The following ZNF143 variants were observed in gnomAD, a reference collection of about 807,000 sequenced individuals.
The protein encoded by ZNF143 is zinc finger protein 143.
A neutral mutation model predicts 74.1 loss-of-function variants in ZNF143; 49 were observed. The ratio of observed to expected loss-of-function variants is 0.66; its 90% CI spans 0.53 to 0.84. The LOEUF is 0.84. Among genes scored for constraint, ZNF143 ranks in the 40% least tolerant of loss-of-function variants. The pLI, the probability that ZNF143 is intolerant of heterozygous loss-of-function variation, is 0.00. For missense variants in ZNF143, 637 were observed against 793.4 expected, an observed-to-expected ratio of 0.80 and a Z score of 2.37; for synonymous variants, 304 against 282.8, an observed-to-expected ratio of 1.07 and a Z score of -0.75.
intron 11 of ZNF143, among the ~76,000 whole-genome samples, chr11:9,504,119 C>T (rs376740069): frequency 1.3e-5 from 2 of 151,716 alleles, no homozygotes; most frequent in East Asian, 3.9e-4. Context: ...TGCCACCACA[C>T]CCAGCTAATT....
chr11:9,505,302 C>G (rs1848321870), intron 11 of ZNF143, among the ~76,000 whole-genome samples: 1 of 150,810 alleles, frequency 6.6e-6, no homozygotes, highest in Non-Finnish European at 1.5e-5. Context: ...TGGAGTCTCG[C>G]TCTGTCGCTC....
chr11:9,503,435 G>T (rs531094523), intron 11 of ZNF143, among the ~76,000 whole-genome samples: 1 of 152,144 alleles, frequency 6.6e-6, no homozygotes, highest in Non-Finnish European at 1.5e-5. Context: ...CTTCCAAACT[G>T]TTCTCCCAAG....
intron 14 of ZNF143, among the ~76,000 whole-genome samples, chr11:9,520,160 C>T (rs921922795): frequency 6.7e-6 from 1 of 150,022 alleles, no homozygotes; most frequent in Non-Finnish European, 1.5e-5. Flanking sequence ...CCTCGGCCTC[C>T]TTAGTAGCAG....
At chr11:9,466,587 C>G (rs1016354801) in intron 1 of ZNF143, among the ~76,000 whole-genome samples, 2 of 151,990 alleles carry the variant, frequency 1.3e-5, no homozygotes, top group African/African-American at 4.8e-5. Flanking sequence ...TGAGCCACCA[C>G]TCCCGGCATA....
rs1849086818 is a variant in ZNF143 at position 9,525,389 on chromosome 11, G to T, written c.1833+3G>T. ...ATGGCACCCAGATTGCAGTTCAGGT[G>T]AGTACCAAGGCATACTGTCCTCAGT... On this transcript the variant is annotated splice_donor_region_variant and intron_variant, in intron 15 of 15. Coordinates refer to ENST00000396602, the MANE Select transcript of ZNF143 (RefSeq NM_003442.6). The T allele has an allele frequency of 6.2e-7, 1 of 1,613,948 alleles. No homozygotes were observed. The highest frequency in any genetic ancestry group is 1.3e-5 in the African/African-American group (1 of 74,930).
At chr11:9,482,727 G>T (rs1476960215) in intron 7 of ZNF143, among the ~76,000 whole-genome samples, 1 of 149,026 alleles carries the variant, frequency 6.7e-6, no homozygotes, top group Non-Finnish European at 1.5e-5. Context: ...GACTAGATCT[G>T]CAATGTCCAA....
chr11:9,507,731 T>C (rs1267728207), intron 11 of ZNF143, among the ~76,000 whole-genome samples: 1 of 152,230 alleles, frequency 6.6e-6, no homozygotes, highest in African/African-American at 2.4e-5. Context: ...CTAGATATTT[T>C]GTGATATTAA....
chr11:9,527,849 A>G lies in ZNF143; in HGVS notation c.*236A>G, dbSNP rs1849182014. 2.5e-6 allele frequency: 1 copy of G among 392,320 alleles called. No homozygotes were observed. The highest frequency in any genetic ancestry group is 4.7e-5 in the South Asian group (1 of 21,462). The allele number at this position is 392,320 out of a possible 1,614,324, so 24.3% of individuals were successfully genotyped here. A position where few individuals can be genotyped will look rare whatever the true frequency, so the allele number is the denominator to read the frequency against. ...AAGTATGAAATTAGGGCAATACAGT[A>G]AATTTTCATGTTACTCTTTTATCAG... On this transcript the variant is annotated 3_prime_UTR_variant, in exon 16 of 16. Transcript: ENST00000396602.
At chr11:9,477,111 ACC>A (rs1346816150) in intron 5 of ZNF143, among the ~76,000 whole-genome samples, 1 of 121,566 alleles carries the variant, frequency 8.2e-6, no homozygotes, top group African/African-American at 3.0e-5. Flanking sequence ...TAAAGTCTGC[ACC>A]CCTTCCTTCC....
At chr11:9,489,679 A>G (rs532432369) in intron 7 of ZNF143, among the ~76,000 whole-genome samples, 35 of 152,310 alleles carry the variant, frequency 2.3e-4, no homozygotes, top group Middle Eastern at 3.4e-3. Context: ...CCTAGTCTGA[A>G]GGTGTGAGCA....
At chr11:9,513,336 C>T (rs1589939258) in intron 13 of ZNF143, among the ~76,000 whole-genome samples, 1 of 152,192 alleles carries the variant, frequency 6.6e-6, no homozygotes, top group Non-Finnish European at 1.5e-5. Context: ...AGCTCTTACA[C>T]CTTCTCATTT....
intron 7 of ZNF143, among the ~76,000 whole-genome samples, chr11:9,489,425 A>T (rs1847684847): frequency 6.6e-6 from 1 of 152,174 alleles, no homozygotes; most frequent in Non-Finnish European, 1.5e-5. Context: ...TAAGTTCTTA[A>T]AGTCTCCACT....
intron 1 of ZNF143, among the ~76,000 whole-genome samples, 163 bp downstream of exon 1, chr11:9,461,239 C>G (rs1855809182): frequency 6.6e-6 from 1 of 152,174 alleles, no homozygotes; most frequent in South Asian, 2.1e-4. Flanking sequence ...GTAGCGGCGT[C>G]TGGGCAGAAG....
chr11:9,494,552 C>G, intron 7 of ZNF143, 94 bp from the exon 8 acceptor site: 3 of 1,279,390 alleles, frequency 2.3e-6, no homozygotes, highest in East Asian at 2.6e-5. Context: ...CTCAAATGAT[C>G]CGCCTACCTC....
chr11:9,498,926 A>AGCT (rs1848061794), intron 10 of ZNF143, among the ~76,000 whole-genome samples: 3 of 152,206 alleles, frequency 2.0e-5, no homozygotes, highest in Admixed American at 2.0e-4. Flanking sequence ...TGAGGAACAG[A>AGCT]GCTGTAGGTC....
intron 5 of ZNF143, among the ~76,000 whole-genome samples, chr11:9,476,308 C>G (rs1420754173): frequency 6.6e-6 from 1 of 152,072 alleles, no homozygotes; most frequent in Non-Finnish European, 1.5e-5. Flanking sequence ...CCGTGCTTGT[C>G]TCATACTAAA....
intron 12 of ZNF143, 100 bp from the exon 13 acceptor site, chr11:9,512,348 A>G: frequency 7.0e-7 from 1 of 1,437,676 alleles, no homozygotes; most frequent in African/African-American, 1.4e-5. Context: ...TAATACATGT[A>G]CATTTTAATT....
intron 9 of ZNF143, 137 bp from the exon 10 acceptor site, chr11:9,497,538 A>T: frequency 1.4e-6 from 1 of 697,266 alleles, no homozygotes. Context: ...GCCCTTTTGT[A>T]CATTTTAAAT....
chr11:9,461,423 C>T lies in ZNF143; in HGVS notation c.-8+347C>T, dbSNP rs113861076. Among the ~76,000 whole-genome samples, 1,380 of 152,252 alleles carry T rather than the reference C, an allele frequency of 9.1e-3. 14 individuals are homozygous for T. The highest frequency in any genetic ancestry group is 0.013 in the Non-Finnish European group (909 of 68,000). Reference sequence around the variant, plus strand: ...GTGGAGCCCTCGGGAGCCTTGGCCGCGTTTCTCGGCCTGACCTCCGCGCAG... The same window carrying T: ...GTGGAGCCCTCGGGAGCCTTGGCCGTGTTTCTCGGCCTGACCTCCGCGCAG... On this transcript the variant is annotated intron_variant, in intron 1 of 15. Coordinates refer to ENST00000396602, the MANE Select transcript of ZNF143 (RefSeq NM_003442.6).
Sources: allele counts gnomAD v4.1 joint callset (sites outside exome capture counted in the v4.1 genomes callset), GRCh38; gene constraint gnomAD v4.1.1; transcripts MANE v1.5; gene names NCBI Gene and HGNC (gene_info 2026-07-23, HGNC 2026-07-21).